The following HOOK1 variants were observed in gnomAD, a reference collection of about 807,000 sequenced individuals.
HOOK1 encodes the protein hook microtubule tethering protein 1, also known as protein Hook homolog 1.
In HOOK1, 60 loss-of-function variants were observed where a neutral mutation model predicts 112.8. The ratio of observed to expected loss-of-function variants is 0.53; its 90% CI spans 0.43 to 0.66. The LOEUF is 0.66. Ranked by LOEUF, HOOK1 falls within the 30% of genes least tolerant of loss-of-function variation. The pLI is 0.00. For synonymous variants in HOOK1, 294 were observed against 283.8 expected (o/e 1.04, Z -0.36); for missense variants, 770 against 856.0 (o/e 0.90, Z 1.25).
Position 59,874,250 on chromosome 1 carries a change from G to A in HOOK1, c.*1285G>A, listed in dbSNP as rs1644099858. On this transcript the variant is annotated 3_prime_UTR_variant, in exon 22 of 22. Coordinates refer to ENST00000371208, the MANE Select transcript of HOOK1 (RefSeq NM_015888.6). Reference sequence around the variant, plus strand: ...GCAGCTATAGAATATTTCCATCATTGCAGAAAGTTCTATTGGATAGTACCA... The same window carrying A: ...GCAGCTATAGAATATTTCCATCATTACAGAAAGTTCTATTGGATAGTACCA... 1 of 152,056 alleles carries A rather than the reference G, an allele frequency of 6.6e-6. No individual in the cohort carries two copies. Among genetic ancestry groups the A allele is most frequent in the South Asian group, 2.1e-4 (1 of 4,822 alleles). 9.4% of individuals were successfully genotyped at this position (152,056 alleles called of 1,614,324 possible).
Position 59,875,726 on chromosome 1 carries a change from A to AG in HOOK1, c.*2764dup, listed in dbSNP as rs923503526. The AG allele has an allele frequency of 3.9e-5, 6 of 152,224 alleles. No homozygotes were observed. The highest frequency in any genetic ancestry group is 9.6e-5 in the African/African-American group (4 of 41,468). 9.4% of individuals were successfully genotyped at this position (152,224 alleles called of 1,614,324 possible). On this transcript the variant is annotated 3_prime_UTR_variant, in exon 22 of 22. Transcript: ENST00000371208. ...AAAATTCCTTTTCTTTTTAAGGTTA[A>AG]GGGTGTGTACGTATGGCAGTGATGT...
chr1:59,823,146 C>T (rs1205122812), intron 2 of HOOK1, among the ~76,000 whole-genome samples: 1 of 152,058 alleles, frequency 6.6e-6, no homozygotes, highest in Non-Finnish European at 1.5e-5. Flanking sequence ...TGGTGAAACC[C>T]CATCTCTACT....
Position 59,873,203 on chromosome 1 carries a change from C to A in HOOK1, c.*238C>A, listed in dbSNP as rs1301804931. 3.1e-5 allele frequency: 10 copies of A among 324,566 alleles called. No homozygotes were observed. In the Admixed American group the frequency reaches 4.9e-4, roughly 16 times the overall value. 20.1% of individuals were successfully genotyped at this position (324,566 alleles called of 1,614,324 possible). A position where few individuals can be genotyped will look rare whatever the true frequency, so the allele number is the denominator to read the frequency against. Reference sequence around the variant, plus strand: ...ATAATTGGAGATGCAGTTATACACACATTTCAAACAAACATTTGTCTTTTG... The same window carrying A: ...ATAATTGGAGATGCAGTTATACACAAATTTCAAACAAACATTTGTCTTTTG... On this transcript the variant is annotated 3_prime_UTR_variant, in exon 22 of 22. Coordinates refer to ENST00000371208, the MANE Select transcript of HOOK1 (RefSeq NM_015888.6).
chr1:59,843,142 A>G (rs1574197543), intron 8 of HOOK1, among the ~76,000 whole-genome samples: 1 of 151,776 alleles, frequency 6.6e-6, no homozygotes, highest in East Asian at 1.9e-4. Context: ...ATCAAATTTT[A>G]GAGACTTGAA....
At position 59,847,197 on chromosome 1, in the gene HOOK1, C is replaced by A; in HGVS notation, c.929+12C>A. 1 of 1,582,986 alleles carries A rather than the reference C, an allele frequency of 6.3e-7. No homozygotes were observed. Among genetic ancestry groups the A allele is most frequent in the Non-Finnish European group, 8.6e-7 (1 of 1,167,566 alleles). ...ATAGATGTTCTTAGGTATGGCATGT[C>A]TTAAAAAATATAATTATGCCATTTC... is the stretch of plus-strand genomic sequence containing the variant. On this transcript the variant is annotated intron_variant, in intron 10 of 21. Transcript: ENST00000371208.
Position 59,865,896 on chromosome 1 carries a change from C to G in HOOK1, c.1769C>G (p.Ala590Gly). 9 of 1,584,930 alleles carry G rather than the reference C, an allele frequency of 5.7e-6. No individual in the cohort carries two copies. The highest frequency in any genetic ancestry group is 1.4e-5 in the African/African-American group (1 of 73,544). ...QNVQKINELE[A>G]ALQKKDEDMK... ...GTACAAAAGATCAATGAACTTGAAG[C>G]TGCTCTTCAGAAGAAAGATGAAGAT... Residue 590 changes from alanine (A) to glycine (G), a missense_variant, in exon 19 of 22, where the codon GCT becomes GGT. Transcript: ENST00000371208.
intron 3 of HOOK1, 102 bp from the exon 4 acceptor site, chr1:59,832,061 G>A (rs890297018): frequency 2.4e-5 from 15 of 624,790 alleles, no homozygotes; most frequent in African/African-American, 2.1e-4. Context: ...TGTTTTTGTT[G>A]TTCTTTTTAA....
In HOOK1 at chr1:59,855,984, A is replaced by ATTTTT. The variant is rs1167413179; in HGVS notation, c.1243-2422_1243-2418dup. 1.7e-3 allele frequency among the ~76,000 whole-genome samples: 102 copies of ATTTTT among 60,266 alleles called. 1 individual carries two copies. The highest frequency in any genetic ancestry group is 2.7e-3 in the African/African-American group (26 of 9,790). 39.5% of individuals were successfully genotyped at this position (60,266 alleles called of 152,430 possible). A position where few individuals can be genotyped will look rare whatever the true frequency, so the allele number is the denominator to read the frequency against. On this transcript the variant is annotated intron_variant, in intron 12 of 21. Coordinates refer to ENST00000371208, the MANE Select transcript of HOOK1 (RefSeq NM_015888.6). ...TAAATTATTATATATATATATATAT[A>ATTTTT]TTTTTTTTTTTTTTTTTTTTTTTTT...
chr1:59,824,467 A>G (rs1217891053), intron 2 of HOOK1, among the ~76,000 whole-genome samples: 1 of 152,186 alleles, frequency 6.6e-6, no homozygotes, highest in East Asian at 1.9e-4. Context: ...TGGCCTCCCA[A>G]AGTGCTGGGA....
intron 12 of HOOK1, 39 bp downstream of exon 12, chr1:59,849,222 T>A: frequency 1.4e-6 from 2 of 1,382,430 alleles, no homozygotes; most frequent in Non-Finnish European, 2.0e-6. Flanking sequence ...ATTTCATTGT[T>A]CTTTTAGTTT....
Position 59,860,303 on chromosome 1 carries a change from A to G in HOOK1, c.1507A>G (p.Met503Val). ...QEQLEQKHRK[M>V]NELETEQRLS... ...GCAGCTAGAACAGAAACACCGTAAA[A>G]TGAATGAACTGGAAACTGAGCAGAG... Residue 503 changes from methionine to valine, a missense_variant, in exon 15 of 22, where the codon ATG (methionine) becomes GTG (valine). By Grantham distance (21) the Met-to-Val change is conservative. This residue lies in a region of HOOK1 where 655 missense variants were observed against 725.9 expected (regional missense o/e 0.90). Transcript: ENST00000371208. The G allele has an allele frequency of 6.2e-7, 1 of 1,607,602 alleles. No homozygotes were observed.
At chr1:59,828,196 T>C (rs926533872) in intron 2 of HOOK1, among the ~76,000 whole-genome samples, 2 of 152,208 alleles carry the variant, frequency 1.3e-5, no homozygotes, top group Non-Finnish European at 2.9e-5. Context: ...AAATTTAGTA[T>C]AGCAATTCTT....
At chr1:59,862,407 C>T (rs902780130) in intron 15 of HOOK1, among the ~76,000 whole-genome samples, 16 of 151,968 alleles carry the variant, frequency 1.1e-4, no homozygotes, top group African/African-American at 3.1e-4. Context: ...TCTTCCAATA[C>T]GCTGTGAAAT....
Position 59,854,037 on chromosome 1 carries a change from TA to T in HOOK1, c.1243-4390del, listed in dbSNP as rs1390152346. On this transcript the variant is annotated intron_variant, in intron 12 of 21. Transcript: ENST00000371208. ...ATATATATATATATATATATATATA[TA>T]TTTTTTTTTTTTTTTTTTTTTTTTT... 9.2e-3 allele frequency among the ~76,000 whole-genome samples: 185 copies of T among 20,172 alleles called. 5 individuals carry two copies. Among genetic ancestry groups the T allele is most frequent in the Non-Finnish European group, 0.011 (127 of 11,664 alleles). 13.2% of individuals were successfully genotyped at this position (20,172 alleles called of 152,430 possible). A position where few individuals can be genotyped will look rare whatever the true frequency, so the allele number is the denominator to read the frequency against.
At chr1:59,865,091 G>T in intron 17 of HOOK1, 72 bp from the exon 18 acceptor site, 1 of 901,410 alleles carries the variant, frequency 1.1e-6, no homozygotes, top group Non-Finnish European at 1.8e-6. Context: ...CCAAGGGTCA[G>T]AAAGCAACTT....
In HOOK1 at chr1:59,873,000, C is replaced by A; in HGVS notation, c.*35C>A. On this transcript the variant is annotated 3_prime_UTR_variant, in exon 22 of 22. Coordinates refer to ENST00000371208, the MANE Select transcript of HOOK1 (RefSeq NM_015888.6). Reference sequence around the variant, plus strand: ...AAAACAAAACAAAACAAAAAAACCACATAAAATAGAAGTGTCCTTAAAATA... The same window carrying A: ...AAAACAAAACAAAACAAAAAAACCAAATAAAATAGAAGTGTCCTTAAAATA... The A allele has an allele frequency of 1.4e-6, 2 of 1,406,588 alleles. No homozygotes were observed. Among genetic ancestry groups the A allele is most frequent in the Non-Finnish European group, 1.9e-6 (2 of 1,061,030 alleles). 87.1% of individuals were successfully genotyped at this position (1,406,588 alleles called of 1,614,324 possible).
chr1:59,846,564 TTCCTTCCTTCCTTCCTTCC>T (rs2098403974), intron 9 of HOOK1, among the ~76,000 whole-genome samples: 1 of 69,100 alleles, frequency 1.4e-5, no homozygotes, highest in African/African-American at 6.6e-5. Context: ...CCTTCCTTCC[TTCCTTCCTTCCTTCCTTCC>T]TTCCTCCCTC....
intron 7 of HOOK1, among the ~76,000 whole-genome samples, chr1:59,837,628 A>C (rs2098398591): frequency 6.6e-6 from 1 of 152,164 alleles, no homozygotes; most frequent in Non-Finnish European, 1.5e-5. Flanking sequence ...AGGGATTTAC[A>C]TAAAATGTAG....
At chr1:59,827,666 T>A (rs944041597) in intron 2 of HOOK1, among the ~76,000 whole-genome samples, 2 of 152,132 alleles carry the variant, frequency 1.3e-5, no homozygotes, top group African/African-American at 2.4e-5. Flanking sequence ...ATATGTTGAT[T>A]ATGAATAAAA....
Sources: gnomAD v4.1 joint callset for allele counts (sites outside exome capture counted in the v4.1 genomes callset) on GRCh38, gnomAD v4.1.1 for gene constraint, gnomAD v4.1.1 regional missense constraint, MANE v1.5 for transcripts, NCBI Gene and HGNC (gene_info 2026-07-23, HGNC 2026-07-21) for gene names.